PLAC8: variants seen among roughly 807,000 people sequenced by gnomAD.
The protein encoded by PLAC8 is placenta-specific gene 8 protein.
Under a neutral mutation model 12.6 loss-of-function variants are expected in PLAC8, and 6 were observed. The ratio of observed to expected loss-of-function variants is 0.48; its 90% CI spans 0.26 to 0.94. The LOEUF (loss-of-function observed/expected upper bound fraction) is 0.94. PLAC8 is among the 40% of genes least tolerant of loss of function. The probability of loss-of-function intolerance (pLI) is 0.14; values close to 1 mark genes in which losing one functional copy is unlikely to be tolerated. For synonymous variants in PLAC8, 54 were observed against 52.6 expected, an observed-to-expected ratio of 1.03 and a Z score of -0.11; for missense variants, 122 against 152.7, an observed-to-expected ratio of 0.80 and a Z score of 1.06.
At chr4:83,107,769 T>C in intron 2 of PLAC8, 35 bp downstream of exon 2, 1 of 1,288,078 alleles carries the variant, frequency 7.8e-7, no homozygotes. Context: ...TTCACCTCGG[T>C]ATCAAATAAG....
intron 3 of PLAC8, among the ~76,000 whole-genome samples, chr4:83,103,778 C>T (rs13140893): frequency 1.3e-5 from 2 of 151,956 alleles, no homozygotes; most frequent in African/African-American, 2.4e-5. Flanking sequence ...AAGCAATTCT[C>T]CTGCCTCAGC....
chr4:83,112,783 CAA>C (rs1052303417), intron 1 of PLAC8, among the ~76,000 whole-genome samples: 1 of 152,160 alleles, frequency 6.6e-6, no homozygotes, highest in African/African-American at 2.4e-5. Context: ...AAAACAGAAA[CAA>C]ATGTAAAATT....
intron 1 of PLAC8, among the ~76,000 whole-genome samples, chr4:83,114,189 A>G (rs1428467568): frequency 6.6e-6 from 1 of 152,108 alleles, no homozygotes. Context: ...TCTTACTTTC[A>G]TAGTGAGAAT....
chr4:83,108,331 G>A (rs190547585), intron 1 of PLAC8, among the ~76,000 whole-genome samples: 1 of 152,252 alleles, frequency 6.6e-6, no homozygotes, highest in East Asian at 1.9e-4. Flanking sequence ...GGTGACTCAG[G>A]TCTGTAATCC....
intron 3 of PLAC8, among the ~76,000 whole-genome samples, chr4:83,096,149 A>G (rs151125998): frequency 2.2e-3 from 335 of 152,328 alleles, no homozygotes; most frequent in African/African-American, 7.3e-3. Flanking sequence ...GTTTGTTTAA[A>G]CTATAAACTA....
intron 4 of PLAC8, among the ~76,000 whole-genome samples, 198 bp from the exon 5 acceptor site, chr4:83,091,169 C>A (rs908238695): frequency 5.3e-5 from 8 of 152,214 alleles, no homozygotes; most frequent in African/African-American, 1.9e-4. Context: ...ACTAATGAAC[C>A]CATACTGATG....
chr4:83,095,665 A>G (rs1384685767), intron 3 of PLAC8, among the ~76,000 whole-genome samples: 1 of 152,228 alleles, frequency 6.6e-6, no homozygotes, highest in Admixed American at 6.5e-5. Context: ...AGGTTAACAG[A>G]TAATGCCTCT....
In PLAC8 at chr4:83,098,151, C is replaced by T. The variant is rs535916452; in HGVS notation, c.244-3360G>A. On this transcript the variant is annotated intron_variant, in intron 3 of 4. Coordinates refer to ENST00000311507, the MANE Select transcript of PLAC8 (RefSeq NM_016619.3). Reference sequence around the variant, plus strand: ...GGATTACAGGCGTGAGCCACCGCGCCGGGCCTGAGGGTTTTAAAGATTGTC... The same window carrying T: ...GGATTACAGGCGTGAGCCACCGCGCTGGGCCTGAGGGTTTTAAAGATTGTC... Among the ~76,000 whole-genome samples the T allele has an allele frequency of 1.5e-3, 227 of 152,222 alleles. 1 individual carries two copies. Among genetic ancestry groups the T allele is most frequent in the African/African-American group, 5.2e-3 (215 of 41,526 alleles).
intron 1 of PLAC8, among the ~76,000 whole-genome samples, chr4:83,110,412 C>T (rs1383690615): frequency 6.6e-6 from 1 of 152,206 alleles, no homozygotes; most frequent in African/African-American, 2.4e-5. Context: ...CCGTTTTCGT[C>T]ACTCACCCCT....
intron 3 of PLAC8, among the ~76,000 whole-genome samples, chr4:83,100,883 A>C (rs949876754): frequency 8.5e-5 from 13 of 152,260 alleles, no homozygotes; most frequent in African/African-American, 3.1e-4. Flanking sequence ...AATGCAGTGG[A>C]AAAGTTCTTG....
intron 1 of PLAC8, among the ~76,000 whole-genome samples, chr4:83,112,208 ATATATATATG>A (rs1361423472): frequency 0.1 from 675 of 6,474 alleles, 14 homozygotes; most frequent in African/African-American, 0.13. Context: ...ATATATGTAT[ATATATATATG>A]TATATATATA....
chr4:83,100,951 C>A (rs1386381371), intron 3 of PLAC8, among the ~76,000 whole-genome samples: 1 of 152,126 alleles, frequency 6.6e-6, no homozygotes, highest in Non-Finnish European at 1.5e-5. Flanking sequence ...GCAAAACAAC[C>A]TTATTGCTAA....
chr4:83,100,441 T>A (rs1467095126), intron 3 of PLAC8, among the ~76,000 whole-genome samples: 1 of 152,062 alleles, frequency 6.6e-6, no homozygotes, highest in South Asian at 2.1e-4. Flanking sequence ...TGTGGAACCA[T>A]GAGCCAATTA....
At chr4:83,110,472 C>A (rs1037491200) in intron 1 of PLAC8, among the ~76,000 whole-genome samples, 4 of 152,242 alleles carry the variant, frequency 2.6e-5, no homozygotes, top group Non-Finnish European at 5.9e-5. Flanking sequence ...AAATCCCCAA[C>A]ACTGAGGGTA....
At chr4:83,095,374 T>A (rs1035777382) in intron 3 of PLAC8, among the ~76,000 whole-genome samples, 1 of 152,162 alleles carries the variant, frequency 6.6e-6, no homozygotes. Flanking sequence ...GCAAACAATT[T>A]GGGGTTAAAG....
chr4:83,100,267 C>T (rs1303412720), intron 3 of PLAC8, among the ~76,000 whole-genome samples: 15 of 140,126 alleles, frequency 1.1e-4, no homozygotes, highest in Admixed American at 6.4e-4. Context: ...GGTGACAGAG[C>T]GAGACTCCAT....
intron 4 of PLAC8, among the ~76,000 whole-genome samples, chr4:83,091,990 CCTT>C (rs1731817558): frequency 6.6e-6 from 1 of 152,078 alleles, no homozygotes; most frequent in Non-Finnish European, 1.5e-5. Context: ...ATTCCTATGT[CCTT>C]CATCTCAATC....
rs1232999709 is a variant in PLAC8 at position 83,114,685 on chromosome 4, G to T, written c.-49C>A. 2 of 151,884 alleles carry T rather than the reference G, an allele frequency of 1.3e-5. No individual in the cohort carries two copies. Among genetic ancestry groups the T allele is most frequent in the African/African-American group, 4.8e-5 (2 of 41,354 alleles). 9.4% of individuals were successfully genotyped at this position (151,884 alleles called of 1,614,324 possible). ...ACTTACAATTAGTAAACAAGGTTCC[G>T]AGCAGGAAATGTCTTGTGGCCTGGG... is the stretch of plus-strand genomic sequence containing the variant. On this transcript the variant is annotated 5_prime_UTR_variant, in exon 1 of 5. Transcript: ENST00000311507.
At chr4:83,093,416 C>G (rs1731854048) in intron 4 of PLAC8, 1 of 152,352 alleles carries the variant, frequency 6.6e-6, no homozygotes, top group South Asian at 2.1e-4. Context: ...GGTCACTGCT[C>G]CCTCTTCTCC....
Sources: allele counts gnomAD v4.1 joint callset (sites outside exome capture counted in the v4.1 genomes callset), GRCh38; gene constraint gnomAD v4.1.1; transcripts MANE v1.5; gene names NCBI Gene and HGNC (gene_info 2026-07-23, HGNC 2026-07-21).